Variants in SETD5 observed in about 807,000 individuals in gnomAD.
The protein encoded by SETD5 is histone-lysine N-methyltransferase SETD5.
Under a neutral mutation model 153.3 loss-of-function variants are expected in SETD5, and 44 were observed. The observed-to-expected ratio is 0.29, with a 90% CI of 0.23 to 0.37. The LOEUF is 0.37. SETD5 is among the 10% of genes least tolerant of loss of function. SETD5 has a pLI of 1.00. For missense variants in SETD5, 1,544 were observed against 1,768.0 expected, an observed-to-expected ratio of 0.87 and a Z score of 2.27; for synonymous variants, 716 against 645.2, an observed-to-expected ratio of 1.11 and a Z score of -1.66.
intron 18 of SETD5, chr3:9,465,054 T>C (rs9867135): frequency 0.017 from 3,754 of 224,544 alleles, 149 homozygotes; most frequent in African/African-American, 0.075. Context: ...ACAGATGATA[T>C]TGATTGATTG....
chr3:9,427,464 C>G (rs940126528), intron 2 of SETD5, among the ~76,000 whole-genome samples: 1 of 152,196 alleles, frequency 6.6e-6, no homozygotes, highest in Non-Finnish European at 1.5e-5. Context: ...GCAGGAGAAT[C>G]TCTTGAAGCC....
chr3:9,431,351 T>C, intron 3 of SETD5: 1 of 985,422 alleles, frequency 1.0e-6, no homozygotes, highest in Non-Finnish European at 1.2e-6. Flanking sequence ...TCTGTGTATG[T>C]GTCCAATTCA....
intron 11 of SETD5, 23 bp from the exon 12 acceptor site, chr3:9,445,025 T>A: frequency 6.2e-7 from 1 of 1,607,820 alleles, no homozygotes; most frequent in Non-Finnish European, 8.5e-7. Flanking sequence ...GAGACAGGCA[T>A]TTTGGTTGTT....
At chr3:9,433,570 T>G (rs2040213109) in intron 3 of SETD5, 3 of 1,299,642 alleles carry the variant, frequency 2.3e-6, no homozygotes, top group Non-Finnish European at 3.0e-6. Flanking sequence ...CTGGTACGTT[T>G]GTGTTTGTCA....
At chr3:9,454,990 G>T (rs1459968746) in intron 17 of SETD5, among the ~76,000 whole-genome samples, 1 of 151,974 alleles carries the variant, frequency 6.6e-6, no homozygotes, top group African/African-American at 2.4e-5. Context: ...CCACTTCATT[G>T]TTCCTGTTTA....
intron 18 of SETD5, among the ~76,000 whole-genome samples, chr3:9,465,345 T>C (rs2044426648): frequency 6.6e-6 from 1 of 152,218 alleles, no homozygotes; most frequent in Non-Finnish European, 1.5e-5. Context: ...TAATCTTGAA[T>C]CACTTTAGTG....
intron 18 of SETD5, 24 bp downstream of exon 18, chr3:9,464,696 A>C (rs752319926): frequency 6.2e-7 from 1 of 1,613,932 alleles, no homozygotes; most frequent in Non-Finnish European, 8.5e-7. Context: ...GGTTGCTGGG[A>C]GTGCTGGATA....
intron 17 of SETD5, among the ~76,000 whole-genome samples, chr3:9,460,813 C>T (rs73130119): frequency 6.4e-4 from 98 of 152,028 alleles, no homozygotes; most frequent in African/African-American, 2.3e-3. Context: ...TTTGTAATGG[C>T]AGTTTGTCAG....
intron 6 of SETD5, 87 bp from the exon 7 acceptor site, chr3:9,435,641 C>A: frequency 8.1e-7 from 1 of 1,230,402 alleles, no homozygotes; most frequent in Non-Finnish European, 1.1e-6. Flanking sequence ...TGGCTTACTG[C>A]ATGTGGGGCA....
At chr3:9,473,573 G>T in intron 20 of SETD5, 36 bp downstream of exon 20, 1 of 1,556,900 alleles carries the variant, frequency 6.4e-7, no homozygotes, top group East Asian at 2.3e-5. Flanking sequence ...GTTAAATTGG[G>T]GGTGGGGGGG....
chr3:9,448,267 C>T lies in SETD5; in HGVS notation c.2104-121C>T, dbSNP rs952811639. 16 of 1,425,178 alleles carry T rather than the reference C, an allele frequency of 1.1e-5. No homozygotes were observed. The Admixed American group carries it at 2.8e-4, about 25-fold the overall frequency. 88.3% of individuals were successfully genotyped at this position (1,425,178 alleles called of 1,614,324 possible). ...AAGATATCCTTGTGTTCTAGTTGCT[C>T]AATTCATTCTTACTGCAGCTGCTGC... On this transcript the variant is annotated intron_variant, in intron 15 of 22. Coordinates refer to ENST00000402198, the MANE Select transcript of SETD5 (RefSeq NM_001080517.3).
Position 9,473,658 on chromosome 3 carries a change from A to G in SETD5, c.3497+121A>G, listed in dbSNP as rs936378919. ...CTTGATGGGAACATCTGAGACAGCC[A>G]GCCAACAGTACCATCTGTCCTGTTC... On this transcript the variant is annotated intron_variant, in intron 20 of 22. Coordinates refer to ENST00000402198, the MANE Select transcript of SETD5 (RefSeq NM_001080517.3). 6 of 986,416 alleles carry G rather than the reference A, an allele frequency of 6.1e-6. No homozygotes were observed. The African/African-American group carries it at 8.1e-5, about 13-fold the overall frequency. 61.1% of individuals were successfully genotyped at this position (986,416 alleles called of 1,614,324 possible).
chr3:9,451,412 T>C (rs558351941), intron 16 of SETD5, among the ~76,000 whole-genome samples: 1 of 152,162 alleles, frequency 6.6e-6, no homozygotes, highest in African/African-American at 2.4e-5. Context: ...TTGTCCAAAG[T>C]GAAGCAGCTA....
chr3:9,435,179 G>A (rs1476952240), intron 6 of SETD5, among the ~76,000 whole-genome samples: 17 of 145,848 alleles, frequency 1.2e-4, no homozygotes, highest in African/African-American at 4.4e-4. Flanking sequence ...GGAGGCGGAA[G>A]TTGCCATGAG....
At chr3:9,406,465 G>A (rs924496065) in intron 1 of SETD5, among the ~76,000 whole-genome samples, 15 of 152,034 alleles carry the variant, frequency 9.9e-5, no homozygotes, top group Admixed American at 6.6e-4. Context: ...AAATCTGGCC[G>A]GGCGCGGTGG....
At chr3:9,414,829 A>AT (rs1311393035) in intron 1 of SETD5, among the ~76,000 whole-genome samples, 1 of 150,906 alleles carries the variant, frequency 6.6e-6, no homozygotes, top group Admixed American at 6.6e-5. Flanking sequence ...TTTTTTTTTA[A>AT]TTTTTTTGTT....
chr3:9,452,484 T>C (rs1299338182), intron 16 of SETD5, among the ~76,000 whole-genome samples: 2 of 152,134 alleles, frequency 1.3e-5, no homozygotes, highest in Non-Finnish European at 2.9e-5. Flanking sequence ...TTTATTTTGT[T>C]TTTGTGTTTG....
chr3:9,404,654 A>G (rs1304465526), intron 1 of SETD5, among the ~76,000 whole-genome samples: 1 of 152,178 alleles, frequency 6.6e-6, no homozygotes, highest in Non-Finnish European at 1.5e-5. Context: ...TATGACCCAC[A>G]TTGCCAGTAT....
chr3:9,413,095 A>G (rs1372468202), intron 1 of SETD5, among the ~76,000 whole-genome samples: 1 of 152,158 alleles, frequency 6.6e-6, no homozygotes. Context: ...ATCCTGGTAA[A>G]GTAGACTAGT....
Sources: gnomAD v4.1 joint callset for allele counts (sites outside exome capture counted in the v4.1 genomes callset) on GRCh38, gnomAD v4.1.1 for gene constraint, MANE v1.5 for transcripts, NCBI Gene and HGNC (gene_info 2026-07-23, HGNC 2026-07-21) for gene names.